COL4A6: variants seen among roughly 807,000 people sequenced by gnomAD.
COL4A6 encodes the protein collagen alpha-6(IV) chain.
COL4A6 carries 59 observed loss-of-function variants against 126.7 expected under a neutral mutation model. That is an observed-to-expected ratio of 0.47 (90% CI 0.38 to 0.58). The LOEUF is 0.58. COL4A6 is among the 20% of genes least tolerant of loss of function. The probability of loss-of-function intolerance (pLI) is 0.00; values close to 1 mark genes in which losing one functional copy is unlikely to be tolerated. For missense variants in COL4A6, 1,285 were observed against 1,337.3 expected, an observed-to-expected ratio of 0.96 and a Z score of 0.61; for synonymous variants, 547 against 496.6, an observed-to-expected ratio of 1.10 and a Z score of -1.35.
chrX:108,220,484 G>A (rs2035990080), intron 4 of COL4A6, among the ~76,000 whole-genome samples: 1 of 111,953 alleles, frequency 8.9e-6, no homozygotes, highest in African/African-American at 3.2e-5. Context: ...AGTAGGCAGG[G>A]AACATAAACT....
At chrX:108,186,042 T>G (rs1455489324) in intron 23 of COL4A6, among the ~76,000 whole-genome samples, 1 of 111,884 alleles carries the variant, frequency 8.9e-6, no homozygotes, top group African/African-American at 3.2e-5. Context: ...GAGCATGATA[T>G]AAGGTTGAAA....
At chrX:108,279,101 C>T (rs141310441) in intron 3 of COL4A6, among the ~76,000 whole-genome samples, 1,659 of 111,710 alleles carry the variant, frequency 0.015, 26 homozygotes, top group African/African-American at 0.051. Context: ...GCAAAATAAC[C>T]AGCTAACATC....
intron 3 of COL4A6, among the ~76,000 whole-genome samples, chrX:108,273,827 T>C (rs2037525741): frequency 8.9e-6 from 1 of 112,447 alleles, no homozygotes; most frequent in Non-Finnish European, 1.9e-5. Flanking sequence ...AATCTCAGCT[T>C]CAATTGTTCC....
chrX:108,281,244 C>A (rs1397800234), intron 3 of COL4A6, among the ~76,000 whole-genome samples: 8 of 92,572 alleles, frequency 8.6e-5, no homozygotes, highest in Non-Finnish European at 1.7e-4. Context: ...ATCTAGAAAA[C>A]CCCATTGTCT....
chrX:108,169,588 C>A lies in COL4A6; in HGVS notation c.3598G>T (p.Gly1200Cys). The A allele has an allele frequency of 8.3e-7, 1 of 1,210,790 alleles. No homozygotes were observed. The highest frequency in any genetic ancestry group is 1.1e-6 in the Non-Finnish European group (1 of 895,188). The part of the protein sequence containing the change: ...PSITGVPGPA[G>C]LPGPKGEKGY... ...TTTTCTCCTTTGGGTCCAGGGAGACCAGCAGGCCCAGGCACACCGGTGATA... is the reference window on the plus strand; with the variant it reads ...TTTTCTCCTTTGGGTCCAGGGAGACAAGCAGGCCCAGGCACACCGGTGATA... The change falls in exon 37 of 45, where the codon GGT (glycine) becomes TGT (cysteine). Residue 1200 changes from glycine (G) to cysteine (C), a missense_variant. By Grantham distance (159) the Gly-to-Cys change is radical. Coordinates refer to ENST00000334504, the MANE Select transcript of COL4A6 (RefSeq NM_033641.4).
At chrX:108,225,891 T>G in intron 3 of COL4A6, among the ~76,000 whole-genome samples, 2 of 112,559 alleles carry the variant, frequency 1.8e-5, no homozygotes, top group Non-Finnish European at 3.8e-5. Flanking sequence ...TCATTCCCAC[T>G]GAGGCGTTAA....
At chrX:108,372,999 CATG>C (rs1477720298) in intron 2 of COL4A6, among the ~76,000 whole-genome samples, 2 of 112,303 alleles carry the variant, frequency 1.8e-5, no homozygotes, top group Admixed American at 9.4e-5. Context: ...TTTTCTACTA[CATG>C]ATAACTCTTT....
chrX:108,173,166 G>T (rs1004857580), intron 31 of COL4A6, among the ~76,000 whole-genome samples: 1 of 112,054 alleles, frequency 8.9e-6, no homozygotes, highest in Non-Finnish European at 1.9e-5. Context: ...TATGGTTTTG[G>T]TTCATTTTGA....
intron 32 of COL4A6, 94 bp downstream of exon 32, chrX:108,172,365 GAAAAAAAAAA>G (rs397935341): frequency 0.011 from 1,203 of 111,134 alleles, 9 homozygotes; most frequent in African/African-American, 0.084. Flanking sequence ...GCCTAAAAAA[GAAAAAAAAAA>G]AAAAAAAAAA....
At chrX:108,207,016 C>A (rs2035564159) in intron 8 of COL4A6, among the ~76,000 whole-genome samples, 2 of 111,155 alleles carry the variant, frequency 1.8e-5, no homozygotes, top group Admixed American at 9.6e-5. Context: ...ATGTTCTATA[C>A]CTGAATAGAG....
intron 2 of COL4A6, among the ~76,000 whole-genome samples, chrX:108,346,061 C>G (rs1047569662): frequency 1.8e-5 from 2 of 111,280 alleles, no homozygotes; most frequent in Non-Finnish European, 1.9e-5. Flanking sequence ...CCGCACCCCC[C>G]ACACACCGTG....
intron 2 of COL4A6, among the ~76,000 whole-genome samples, chrX:108,362,504 C>T (rs1195822278): frequency 9.0e-6 from 1 of 111,499 alleles, no homozygotes; most frequent in Non-Finnish European, 1.9e-5. Context: ...TCCTTGGGAA[C>T]ATCTCAAGAT....
intron 2 of COL4A6, among the ~76,000 whole-genome samples, chrX:108,391,686 G>C (rs1375988524): frequency 8.9e-6 from 1 of 112,094 alleles, no homozygotes; most frequent in African/African-American, 3.2e-5. Context: ...AAGACTGTGG[G>C]AAAAGTGCTG....
At chrX:108,289,242 A>AGT (rs34639525) in intron 3 of COL4A6, among the ~76,000 whole-genome samples, 15,479 of 91,100 alleles carry the variant, frequency 0.17, 1,294 homozygotes, top group African/African-American at 0.25. Context: ...CAATGAGTAT[A>AGT]GTGTGTGTGT....
In COL4A6 at chrX:108,348,296, GATA is replaced by G. The variant is rs779870662; in HGVS notation, c.64-37471_64-37469del. Among the ~76,000 whole-genome samples, 25 of 111,545 alleles carry G rather than the reference GATA, an allele frequency of 2.2e-4. No individual in the cohort carries two copies. The South Asian group carries it at 7.6e-3, about 34-fold the overall frequency. ...AGAATGGCAGGACCTGTACATGGAA[GATA>G]ATAATCTGTGATAGCTTTTCATTTT... On this transcript the variant is annotated intron_variant, in intron 2 of 44. Coordinates refer to ENST00000334504, the MANE Select transcript of COL4A6 (RefSeq NM_033641.4).
intron 2 of COL4A6, among the ~76,000 whole-genome samples, chrX:108,320,379 A>G (rs1032951822): frequency 9.0e-6 from 1 of 111,363 alleles, no homozygotes; most frequent in Non-Finnish European, 1.9e-5. Context: ...GAAGAGTTGG[A>G]TTTAATCAAG....
At chrX:108,221,842 C>T (rs1602852439) in intron 3 of COL4A6, among the ~76,000 whole-genome samples, 1 of 112,614 alleles carries the variant, frequency 8.9e-6, no homozygotes, top group Non-Finnish European at 1.9e-5. Context: ...AGAGTGGGCC[C>T]AGAAACCTAC....
chrX:108,169,372 A>C (rs1469478488), intron 37 of COL4A6, 123 bp downstream of exon 37: 15 of 906,520 alleles, frequency 1.7e-5, no homozygotes, highest in Non-Finnish European at 1.8e-5. Context: ...GGGTTGTGAG[A>C]CTCCCAGAGA....
intron 2 of COL4A6, among the ~76,000 whole-genome samples, chrX:108,406,087 A>G (rs909819144): frequency 9.1e-6 from 1 of 110,258 alleles, no homozygotes; most frequent in Non-Finnish European, 1.9e-5. Context: ...CCCACCTCAG[A>G]CTCTTGAGTA....
Sources: gnomAD v4.1 joint callset for allele counts (sites outside exome capture counted in the v4.1 genomes callset) on GRCh38, gnomAD v4.1.1 for gene constraint, MANE v1.5 for transcripts, NCBI Gene and HGNC (gene_info 2026-07-23, HGNC 2026-07-21) for gene names.